GRM5: variants seen among roughly 807,000 people sequenced by gnomAD.
The protein encoded by GRM5 is metabotropic glutamate receptor 5.
In GRM5, 19 loss-of-function variants were observed where a neutral mutation model predicts 83.1. The ratio of observed to expected loss-of-function variants is 0.23; its 90% CI spans 0.16 to 0.34. The LOEUF is 0.34. Among genes scored for constraint, GRM5 ranks in the 10% least tolerant of loss-of-function variants. The pLI is 1.00. For synonymous variants in GRM5, 675 were observed against 633.6 expected (o/e 1.07, Z -0.98); for missense variants, 1,160 against 1,588.3 (o/e 0.73, Z 4.58).
intron 2 of GRM5, among the ~76,000 whole-genome samples, chr11:88,972,782 C>G (rs1173497492): frequency 1.3e-5 from 2 of 152,208 alleles, no homozygotes; most frequent in African/African-American, 4.8e-5. Context: ...TATTAACTTT[C>G]TAGTGTAGAA....
At chr11:88,657,809 A>G (rs1939802719) in intron 3 of GRM5, among the ~76,000 whole-genome samples, 1 of 152,084 alleles carries the variant, frequency 6.6e-6, no homozygotes, top group African/African-American at 2.4e-5. Context: ...TACCCATCTT[A>G]GACTAAATTA....
chr11:88,619,562 T>C (rs1486417129), intron 4 of GRM5, among the ~76,000 whole-genome samples: 1 of 152,190 alleles, frequency 6.6e-6, no homozygotes, highest in Non-Finnish European at 1.5e-5. Flanking sequence ...CTCTAGTTAG[T>C]AGCAGCTAGC....
At chr11:88,583,415 A>G (rs1008962425) in intron 7 of GRM5, among the ~76,000 whole-genome samples, 2 of 152,208 alleles carry the variant, frequency 1.3e-5, no homozygotes, top group Admixed American at 1.3e-4. Flanking sequence ...GTTGATACAT[A>G]TTGCCTTGGA....
At chr11:88,694,668 A>G (rs1408494660) in intron 3 of GRM5, among the ~76,000 whole-genome samples, 1 of 152,148 alleles carries the variant, frequency 6.6e-6, no homozygotes, top group Admixed American at 6.5e-5. Context: ...ATGATTGGAC[A>G]ATCATAAAAC....
chr11:89,044,683 G>A (rs1298748311), intron 2 of GRM5, among the ~76,000 whole-genome samples: 1 of 152,008 alleles, frequency 6.6e-6, no homozygotes, highest in Non-Finnish European at 1.5e-5. Context: ...TGGAACAAAG[G>A]AGAATAATTA....
intron 3 of GRM5, among the ~76,000 whole-genome samples, chr11:88,752,334 A>C (rs1247658907): frequency 6.6e-6 from 1 of 152,180 alleles, no homozygotes; most frequent in East Asian, 1.9e-4. Context: ...GCCAATCATG[A>C]ATGAACTCCC....
chr11:88,835,497 GT>G (rs1297917010), intron 3 of GRM5, among the ~76,000 whole-genome samples: 16 of 152,184 alleles, frequency 1.1e-4, no homozygotes, highest in African/African-American at 3.4e-4. Flanking sequence ...TCACCTCTGA[GT>G]ATCATAGGAA....
At chr11:89,062,618 G>A (rs1942017846) in intron 1 of GRM5, among the ~76,000 whole-genome samples, 1 of 152,246 alleles carries the variant, frequency 6.6e-6, no homozygotes, top group South Asian at 2.1e-4. Context: ...AGCTAAGGCA[G>A]CATCAAGATT....
chr11:88,820,392 A>AAAAAAAAAAG (rs1170201961), intron 3 of GRM5, among the ~76,000 whole-genome samples: 4 of 149,138 alleles, frequency 2.7e-5, no homozygotes, highest in African/African-American at 1.0e-4. Flanking sequence ...AAAAAAAAAA[A>AAAAAAAAAAG]AGCCAATATA....
chr11:88,859,743 A>G (rs1481366312), intron 2 of GRM5, among the ~76,000 whole-genome samples: 1 of 152,144 alleles, frequency 6.6e-6, no homozygotes, highest in African/African-American at 2.4e-5. Context: ...GCCTGCTACT[A>G]AATGTTTCAT....
At position 88,653,160 on chromosome 11, in the gene GRM5, C is replaced by A; in HGVS notation, c.1147+8G>T. 6.7e-7 allele frequency: 1 copy of A among 1,491,704 alleles called. No individual in the cohort carries two copies. The highest frequency in any genetic ancestry group is 9.4e-7 in the Non-Finnish European group (1 of 1,069,384). The allele number at this position is 1,491,704 out of a possible 1,614,324, so 92.4% of individuals were successfully genotyped here. ...ATGCATTTTAAATGAAATAATAAAT[C>A]TGCTTACTATTGCAAGTCTTGTTGT... On this transcript the variant is annotated splice_region_variant and intron_variant, in intron 4 of 9. Coordinates refer to ENST00000305447, the MANE Select transcript of GRM5 (RefSeq NM_001143831.3).
chr11:88,703,539 T>C (rs1488398625), intron 3 of GRM5, among the ~76,000 whole-genome samples: 2 of 152,078 alleles, frequency 1.3e-5, no homozygotes, highest in Admixed American at 6.6e-5. Flanking sequence ...GGGTTGGGTC[T>C]GTGTCCTCAG....
chr11:88,514,237 G>A lies in GRM5; in HGVS notation c.2727-4733C>T, dbSNP rs147314209. 7.0e-3 allele frequency among the ~76,000 whole-genome samples: 1,067 copies of A among 151,954 alleles called. 14 individuals carry two copies. The highest frequency in any genetic ancestry group is 0.024 in the African/African-American group (1,010 of 41,460). ...TTATAATTATTTGCTCTTTATTTCTGAAAAACAAAAAGCAGCATATCAATA... is the reference window on the plus strand; with the variant it reads ...TTATAATTATTTGCTCTTTATTTCTAAAAAACAAAAAGCAGCATATCAATA... On this transcript the variant is annotated intron_variant, in intron 9 of 9. Coordinates refer to ENST00000305447, the MANE Select transcript of GRM5 (RefSeq NM_001143831.3).
intron 7 of GRM5, among the ~76,000 whole-genome samples, chr11:88,578,218 AT>A (rs1168008571): frequency 6.6e-6 from 1 of 152,054 alleles, no homozygotes; most frequent in South Asian, 2.1e-4. Context: ...AATTAATGTG[AT>A]TTTTTAAGAG....
chr11:88,652,892 G>C (rs1939668571), intron 4 of GRM5, among the ~76,000 whole-genome samples: 2 of 152,066 alleles, frequency 1.3e-5, no homozygotes. Context: ...GAGCTCATGT[G>C]ATGTTTTTAG....
intron 3 of GRM5, among the ~76,000 whole-genome samples, chr11:88,743,312 T>C (rs1164024647): frequency 1.3e-4 from 20 of 152,098 alleles, no homozygotes; most frequent in Admixed American, 1.3e-3. Context: ...GGGTACACGA[T>C]AGACTTCATG....
intron 8 of GRM5, among the ~76,000 whole-genome samples, chr11:88,529,104 CT>C (rs1941948691): frequency 6.6e-6 from 1 of 151,994 alleles, no homozygotes; most frequent in African/African-American, 2.4e-5. Context: ...AGTGATAGGA[CT>C]TTAAATTTTG....
intron 3 of GRM5, among the ~76,000 whole-genome samples, chr11:88,797,726 T>C (rs148892971): frequency 2.5e-4 from 38 of 152,240 alleles, no homozygotes; most frequent in Admixed American, 1.9e-3. Context: ...GGATCCTATT[T>C]TGGTATAAGA....
intron 3 of GRM5, among the ~76,000 whole-genome samples, chr11:88,786,760 C>T (rs565998424): frequency 7.9e-5 from 12 of 152,010 alleles, no homozygotes; most frequent in South Asian, 2.1e-4. Context: ...TATTTTTTTA[C>T]GTTACATACC....
Sources: allele counts gnomAD v4.1 joint callset (sites outside exome capture counted in the v4.1 genomes callset), GRCh38; gene constraint gnomAD v4.1.1; transcripts MANE v1.5; gene names NCBI Gene and HGNC (gene_info 2026-07-23, HGNC 2026-07-21).